FGF12: variants seen among roughly 807,000 people sequenced by gnomAD.
The protein encoded by FGF12 is fibroblast growth factor 12.
In FGF12, 14 loss-of-function variants were observed where a neutral mutation model predicts 23.6. The observed-to-expected ratio is 0.59, with a 90% CI of 0.39 to 0.93. FGF12 has a LOEUF of 0.93. Among genes scored for constraint, FGF12 ranks in the 40% least tolerant of loss-of-function variants. FGF12 has a pLI of 0.00. For missense variants in FGF12, 175 were observed against 217.8 expected (o/e 0.80, Z 1.24); for synonymous variants, 62 against 77.3 (o/e 0.80, Z 1.04).
chr3:192,704,446 T>G (rs1718402093), intron 2 of FGF12, among the ~76,000 whole-genome samples: 1 of 152,228 alleles, frequency 6.6e-6, no homozygotes, highest in Non-Finnish European at 1.5e-5. Context: ...ATCTTTCTTT[T>G]TCTGGGCAGT....
At chr3:192,522,575 C>T (rs6766568) in intron 2 of FGF12, among the ~76,000 whole-genome samples, 14,992 of 152,090 alleles carry the variant, frequency 0.099, 2,341 homozygotes, top group African/African-American at 0.33. Context: ...AAAGCCAATT[C>T]CCCCTTTGGC....
chr3:192,463,415 G>A (rs1180417140), intron 2 of FGF12, among the ~76,000 whole-genome samples: 1 of 151,624 alleles, frequency 6.6e-6, no homozygotes, highest in Non-Finnish European at 1.5e-5. Context: ...GTGAGACTCT[G>A]TCTCAAAAAA....
At chr3:192,535,852 G>A (rs1725210813) in intron 2 of FGF12, among the ~76,000 whole-genome samples, 1 of 152,046 alleles carries the variant, frequency 6.6e-6, no homozygotes, top group Non-Finnish European at 1.5e-5. Flanking sequence ...TTCATATGAA[G>A]CAAGTGTTCT....
At chr3:192,658,224 T>C (rs1407656351) in intron 2 of FGF12, among the ~76,000 whole-genome samples, 1 of 152,236 alleles carries the variant, frequency 6.6e-6, no homozygotes, top group Non-Finnish European at 1.5e-5. Flanking sequence ...TATAGTTTTA[T>C]ACAAACAAAA....
chr3:192,195,197 T>C (rs1717001974), intron 4 of FGF12, among the ~76,000 whole-genome samples: 2 of 152,246 alleles, frequency 1.3e-5, no homozygotes, highest in African/African-American at 2.4e-5. Flanking sequence ...TAATGTATCA[T>C]TGGCCTTTTG....
intron 2 of FGF12, among the ~76,000 whole-genome samples, chr3:192,483,062 C>A (rs970955084): frequency 6.6e-6 from 1 of 152,240 alleles, no homozygotes; most frequent in African/African-American, 2.4e-5. Flanking sequence ...TACTACTCAT[C>A]TTTACAAGTT....
intron 4 of FGF12, among the ~76,000 whole-genome samples, chr3:192,320,256 T>C (rs1388028380): frequency 3.3e-5 from 5 of 152,078 alleles, no homozygotes; most frequent in Non-Finnish European, 7.4e-5. Flanking sequence ...AAAAATCATA[T>C]AATGATAAAG....
intron 5 of FGF12, among the ~76,000 whole-genome samples, chr3:192,144,425 A>C (rs1462194165): frequency 6.6e-6 from 1 of 152,312 alleles, no homozygotes; most frequent in South Asian, 2.1e-4. Context: ...ATTTTCATCC[A>C]GAGTCAGAGG....
At chr3:192,709,821 T>C (rs1460548147) in intron 2 of FGF12, among the ~76,000 whole-genome samples, 3 of 152,206 alleles carry the variant, frequency 2.0e-5, no homozygotes, top group Non-Finnish European at 2.9e-5. Context: ...GTTAATATCT[T>C]TATGATGGCA....
intron 5 of FGF12, among the ~76,000 whole-genome samples, chr3:192,144,619 G>A (rs1158755683): frequency 6.6e-6 from 1 of 152,140 alleles, no homozygotes; most frequent in African/African-American, 2.4e-5. Context: ...ACAGAGAAGA[G>A]GAAAAAAGAT....
intron 2 of FGF12, among the ~76,000 whole-genome samples, chr3:192,496,756 C>T (rs534906179): frequency 8.5e-5 from 13 of 152,276 alleles, no homozygotes; most frequent in Admixed American, 7.2e-4. Flanking sequence ...TCCCAGTCTG[C>T]GTATTGTGGA....
At chr3:192,194,636 A>T (rs1183611257) in intron 4 of FGF12, among the ~76,000 whole-genome samples, 1 of 152,138 alleles carries the variant, frequency 6.6e-6, no homozygotes. Flanking sequence ...TATCATATGG[A>T]TGGATTCAGA....
intron 4 of FGF12, among the ~76,000 whole-genome samples, chr3:192,219,378 C>A (rs1265587258): frequency 6.6e-6 from 1 of 152,152 alleles, no homozygotes; most frequent in Non-Finnish European, 1.5e-5. Context: ...AGCCACTGCG[C>A]CAGGTCATTT....
At chr3:192,711,496 C>A (rs1342249444) in intron 2 of FGF12, among the ~76,000 whole-genome samples, 1 of 152,000 alleles carries the variant, frequency 6.6e-6, no homozygotes, top group Non-Finnish European at 1.5e-5. Context: ...GCGGTTTTGT[C>A]GAATAGAAAA....
At position 192,358,850 on chromosome 3, in the gene FGF12, G is replaced by A. The variant is rs565998636; in HGVS notation, c.124+1578C>T. Among the ~76,000 whole-genome samples, 84 of 152,184 alleles carry A rather than the reference G, an allele frequency of 5.5e-4. 1 individual carries two copies. The Middle Eastern group carries it at 0.02, about 37-fold the overall frequency. ...CAATTTTTTTTAAAGTTAGATGGAC[G>A]ATGCTGACAGGGATGTTGATATATC... On this transcript the variant is annotated intron_variant, in intron 3 of 5. Transcript: ENST00000445105.
At chr3:192,541,502 T>C (rs1004647489) in intron 2 of FGF12, among the ~76,000 whole-genome samples, 98 of 152,202 alleles carry the variant, frequency 6.4e-4, no homozygotes, top group African/African-American at 2.3e-3. Flanking sequence ...AAAGTTGTTG[T>C]AGTTTATTTT....
At chr3:192,275,632 C>T (rs1353421141) in intron 4 of FGF12, among the ~76,000 whole-genome samples, 1 of 152,070 alleles carries the variant, frequency 6.6e-6, no homozygotes, top group African/African-American at 2.4e-5. Flanking sequence ...AGAAACAATA[C>T]AGGAAAACAC....
intron 2 of FGF12, among the ~76,000 whole-genome samples, chr3:192,485,411 A>T (rs1723605998): frequency 6.6e-6 from 1 of 152,224 alleles, no homozygotes; most frequent in African/African-American, 2.4e-5. Context: ...TAATGCTTCG[A>T]CAGTAAGAAG....
At chr3:192,577,043 C>T (rs917703605) in intron 2 of FGF12, among the ~76,000 whole-genome samples, 1 of 151,954 alleles carries the variant, frequency 6.6e-6, no homozygotes, top group South Asian at 2.1e-4. Context: ...CATCACACAC[C>T]AGGGCCTGTC....
Sources: allele counts gnomAD v4.1 joint callset (sites outside exome capture counted in the v4.1 genomes callset), GRCh38; gene constraint gnomAD v4.1.1; transcripts MANE v1.5; gene names NCBI Gene and HGNC (gene_info 2026-07-23, HGNC 2026-07-21).